PTPN3: variants seen among roughly 807,000 people sequenced by gnomAD.
PTPN3 encodes the protein tyrosine-protein phosphatase non-receptor type 3.
PTPN3 carries 96 observed loss-of-function variants against 132.7 expected under a neutral mutation model. The observed-to-expected ratio is 0.72, with a 90% CI of 0.61 to 0.86. PTPN3 has a LOEUF of 0.86. Among genes scored for constraint, PTPN3 ranks in the 40% least tolerant of loss-of-function variants. The pLI, the probability that PTPN3 is intolerant of heterozygous loss-of-function variation, is 0.00. For synonymous variants in PTPN3, 398 were observed against 429.0 expected (o/e 0.93, Z 0.89); for missense variants, 1,125 against 1,159.6 (o/e 0.97, Z 0.43).
At chr9:109,466,516 G>A (rs372266732) in intron 1 of PTPN3, among the ~76,000 whole-genome samples, 96 of 152,272 alleles carry the variant, frequency 6.3e-4, no homozygotes, top group African/African-American at 2.2e-3. Context: ...GAATGCAGAG[G>A]GGAGGGGAGA....
upstream of PTPN3, among the ~76,000 whole-genome samples, chr9:109,500,767 C>G (rs748928897): frequency 3.3e-5 from 5 of 150,206 alleles, no homozygotes; most frequent in Non-Finnish European, 5.9e-5. Context: ...CCCATCTTTA[C>G]AAAAAAAAAC....
chr9:109,408,796 AATATATAT>A (rs1219154297), intron 16 of PTPN3, among the ~76,000 whole-genome samples: 52 of 108,374 alleles, frequency 4.8e-4, no homozygotes, highest in Admixed American at 4.0e-4. Flanking sequence ...AAAAAAAAAA[AATATATAT>A]ATATATATAT....
intron 14 of PTPN3, among the ~76,000 whole-genome samples, chr9:109,413,717 C>T (rs909777409): frequency 3.9e-5 from 6 of 152,090 alleles, no homozygotes; most frequent in African/African-American, 1.4e-4. Context: ...GTGGGACTGA[C>T]CACATCCTGG....
chr9:109,459,439 T>C lies in PTPN3; in HGVS notation c.139-2040A>G, dbSNP rs547014588. On this transcript the variant is annotated intron_variant, in intron 2 of 25. Coordinates refer to ENST00000374541, the MANE Select transcript of PTPN3 (RefSeq NM_002829.4). ...AGGCCCTCCAACTTCTCAAGTTCCA[T>C]GGGACTCAGCTTTGAACCAGGCTGC... Among the ~76,000 whole-genome samples the C allele has an allele frequency of 2.0e-5, 3 of 152,358 alleles. No homozygotes were observed. In the South Asian group the frequency reaches 6.2e-4, roughly 32 times the overall value.
At chr9:109,528,033 G>T in the PTPN3 span, among the ~76,000 whole-genome samples, 2 of 152,060 alleles carry the variant, frequency 1.3e-5, no homozygotes, top group African/African-American at 4.8e-5. Context: ...TATGCATTAG[G>T]CTAATGCAAT....
chr9:109,449,176 C>T (rs1845072621), intron 5 of PTPN3: 1 of 1,127,732 alleles, frequency 8.9e-7, no homozygotes, highest in Non-Finnish European at 1.1e-6. Context: ...GTTCCGCTGT[C>T]AGTGAGCGCC....
chr9:109,495,434 C>T (rs1847630551), intron 1 of PTPN3, among the ~76,000 whole-genome samples: 1 of 152,210 alleles, frequency 6.6e-6, no homozygotes, highest in Non-Finnish European at 1.5e-5. Flanking sequence ...AAGCTGAGCC[C>T]TTCTGGTAGG....
At chr9:109,487,126 C>A (rs1284687434) in intron 1 of PTPN3, among the ~76,000 whole-genome samples, 1 of 152,190 alleles carries the variant, frequency 6.6e-6, no homozygotes, top group Non-Finnish European at 1.5e-5. Flanking sequence ...ATAGAACCAG[C>A]TGAGTTTACC....
chr9:109,514,471 A>T, the PTPN3 span, among the ~76,000 whole-genome samples: 1 of 152,158 alleles, frequency 6.6e-6, no homozygotes, highest in South Asian at 2.1e-4. Flanking sequence ...TTCATTCAGG[A>T]AATATTGATT....
chr9:109,405,917 G>A (rs1841523288), intron 18 of PTPN3, among the ~76,000 whole-genome samples: 1 of 152,174 alleles, frequency 6.6e-6, no homozygotes, highest in South Asian at 2.1e-4. Flanking sequence ...CAGCAACCCT[G>A]TGAAGTCGGG....
intron 22 of PTPN3, 144 bp from the exon 23 acceptor site, chr9:109,383,695 T>C: frequency 2.4e-6 from 3 of 1,232,240 alleles, no homozygotes; most frequent in Middle Eastern, 2.9e-4. Flanking sequence ...GCCAAGTCCA[T>C]CAGCTGTTTC....
intron 12 of PTPN3, among the ~76,000 whole-genome samples, chr9:109,424,157 A>G (rs1843080893): frequency 6.6e-6 from 1 of 152,234 alleles, no homozygotes; most frequent in African/African-American, 2.4e-5. Flanking sequence ...CTGAAAAAAA[A>G]GTGTTCCATT....
Position 109,454,570 on chromosome 9 carries a change from ACCT to A in PTPN3, c.291_293del (p.Gly98del), listed in dbSNP as rs764098779. 4 of 1,608,584 alleles carry A rather than the reference ACCT, an allele frequency of 2.5e-6. No homozygotes were observed. The highest frequency in any genetic ancestry group is 3.4e-6 in the Non-Finnish European group (4 of 1,176,510). ...CTCGAAAATGCAGGGTACAGGGGAA[ACCT>A]CCTACAACATTTTTCAAAAACAAAT... On this transcript the variant is annotated inframe_deletion and splice_region_variant, in exon 5 of 26. Coordinates refer to ENST00000374541, the MANE Select transcript of PTPN3 (RefSeq NM_002829.4).
the PTPN3 span, among the ~76,000 whole-genome samples, chr9:109,537,667 C>T: frequency 5.3e-5 from 8 of 152,204 alleles, no homozygotes; most frequent in Non-Finnish European, 8.8e-5. Context: ...TCCTGACACG[C>T]CAATTGTGTT....
At chr9:109,492,367 C>T (rs1218718939) in intron 1 of PTPN3, among the ~76,000 whole-genome samples, 1 of 152,228 alleles carries the variant, frequency 6.6e-6, no homozygotes, top group Non-Finnish European at 1.5e-5. Flanking sequence ...GTCCTGGATG[C>T]TCCCTCTTGG....
chr9:109,420,585 G>A lies in PTPN3; in HGVS notation c.1152C>T (p.Leu384=), dbSNP rs142016536. The A allele has an allele frequency of 6.2e-7, 1 of 1,609,148 alleles. No homozygotes were observed. The highest frequency in any genetic ancestry group is 8.5e-7 in the Non-Finnish European group (1 of 1,177,270). ...PITPNWRSPR[L]RHEIRKPRHS... ...GGCGTGGCTTTCGGATTTCGTGCCG[G>A]AGCCGAGGACTTCGCCTGGGTGGGA... Residue 384 remains leucine, a synonymous_variant, in exon 14 of 26, where the codon CTC becomes CTT. Transcript: ENST00000374541.
chr9:109,414,935 CAT>C (rs1842354851), intron 14 of PTPN3, among the ~76,000 whole-genome samples: 1 of 152,038 alleles, frequency 6.6e-6, no homozygotes, highest in Non-Finnish European at 1.5e-5. Flanking sequence ...GATATGGACA[CAT>C]GATGTGGAAG....
At chr9:109,443,924 TG>T (rs1348710238) in intron 7 of PTPN3, among the ~76,000 whole-genome samples, 1 of 152,132 alleles carries the variant, frequency 6.6e-6, no homozygotes, top group Admixed American at 6.5e-5. Flanking sequence ...TCCATGCAGG[TG>T]GGTGGGTAAG....
At chr9:109,393,385 T>A (rs1034981112) in intron 19 of PTPN3, among the ~76,000 whole-genome samples, 3 of 130,292 alleles carry the variant, frequency 2.3e-5, no homozygotes, top group Admixed American at 1.5e-4. Flanking sequence ...TTTTTTTGTC[T>A]TTTTTTTTTT....
Sources: gnomAD v4.1 joint callset for allele counts (sites outside exome capture counted in the v4.1 genomes callset) on GRCh38, gnomAD v4.1.1 for gene constraint, MANE v1.5 for transcripts, NCBI Gene and HGNC (gene_info 2026-07-23, HGNC 2026-07-21) for gene names.